ADAMTS9: variants seen among roughly 807,000 people sequenced by gnomAD.
ADAMTS9 encodes A disintegrin and metalloproteinase with thrombospondin motifs 9.
ADAMTS9 carries 107 observed loss-of-function variants against 257.1 expected under a neutral mutation model. The observed-to-expected ratio is 0.42, with a 90% CI of 0.36 to 0.49. The LOEUF (loss-of-function observed/expected upper bound fraction) is 0.49, where lower values mean the gene tolerates loss of function less well. ADAMTS9 is among the 20% of genes least tolerant of loss of function. The pLI, the probability that ADAMTS9 is intolerant of heterozygous loss-of-function variation, is 0.03. For synonymous variants in ADAMTS9, 982 were observed against 880.9 expected (o/e 1.11, Z -2.03); for missense variants, 2,353 against 2,469.1 (o/e 0.95, Z 1.00).
chr3:64,613,612 A>C (rs1162358671), intron 21 of ADAMTS9, 103 bp from the exon 22 acceptor site: 9 of 1,125,584 alleles, frequency 8.0e-6, no homozygotes, highest in East Asian at 2.7e-5. Flanking sequence ...CTTTTCCCAC[A>C]GCAATCACTC....
At chr3:64,615,614 G>T in intron 20 of ADAMTS9, 129 bp from the exon 21 acceptor site, 1 of 988,144 alleles carries the variant, frequency 1.0e-6, no homozygotes. Flanking sequence ...TAGTTATTTT[G>T]GTGGAGATCT....
Position 64,633,478 on chromosome 3 carries a change from A to T in ADAMTS9, c.2169T>A (p.Leu723=), listed in dbSNP as rs769449628. Residue 723 remains leucine (L), a synonymous_variant, in exon 14 of 40, where the codon CTT becomes CTA. Coordinates refer to ENST00000498707, the MANE Select transcript of ADAMTS9 (RefSeq NM_182920.2). The stretch of plus-strand genomic sequence containing the variant: ...AACACCATCAAGGACTTACCCGGCA[A>T]AGGCCCTGGACACAGATATCATTTG... ...QDTNDICVQG[L]CRQAGCDHVL... 1 of 1,614,008 alleles carries T rather than the reference A, an allele frequency of 6.2e-7. No homozygotes were observed. The highest frequency in any genetic ancestry group is 1.1e-5 in the South Asian group (1 of 91,086).
chr3:64,668,625 T>C (rs1218700687), intron 3 of ADAMTS9, among the ~76,000 whole-genome samples: 1 of 152,134 alleles, frequency 6.6e-6, no homozygotes, highest in Non-Finnish European at 1.5e-5. Context: ...CTACATAAAG[T>C]GTCGGAACAG....
chr3:64,640,084 T>C (rs900811981), intron 12 of ADAMTS9, among the ~76,000 whole-genome samples: 1 of 152,190 alleles, frequency 6.6e-6, no homozygotes, highest in East Asian at 1.9e-4. Flanking sequence ...ATTCAAAATA[T>C]AGGCTATATA....
intron 3 of ADAMTS9, among the ~76,000 whole-genome samples, chr3:64,679,449 T>C (rs1411115775): frequency 6.6e-6 from 1 of 152,210 alleles, no homozygotes; most frequent in African/African-American, 2.4e-5. Flanking sequence ...GAGTTAGGAA[T>C]GGTAACTACC....
At chr3:64,627,728 A>G (rs543095054) in intron 16 of ADAMTS9, among the ~76,000 whole-genome samples, 10 of 152,288 alleles carry the variant, frequency 6.6e-5, no homozygotes, top group Admixed American at 3.3e-4. Flanking sequence ...TGCACCCATC[A>G]GAGCTGGGTT....
chr3:64,611,535 C>A (rs1431931400), intron 22 of ADAMTS9, among the ~76,000 whole-genome samples: 1 of 151,930 alleles, frequency 6.6e-6, no homozygotes, highest in African/African-American at 2.4e-5. Context: ...TTTGGGCACC[C>A]AGGACCAGTT....
At chr3:64,572,471 T>A (rs1053733304) in intron 28 of ADAMTS9, among the ~76,000 whole-genome samples, 1 of 152,172 alleles carries the variant, frequency 6.6e-6, no homozygotes, top group East Asian at 1.9e-4. Flanking sequence ...TCTCTGGTTT[T>A]AGGGATGCCC....
intron 30 of ADAMTS9, among the ~76,000 whole-genome samples, chr3:64,555,419 T>G (rs1559761260): frequency 6.6e-6 from 1 of 152,096 alleles, no homozygotes; most frequent in African/African-American, 2.4e-5. Context: ...TGAGCCAAGG[T>G]CTATGCTGGG....
intron 10 of ADAMTS9, among the ~76,000 whole-genome samples, 193 bp from the exon 11 acceptor site, chr3:64,648,237 G>A (rs1700844832): frequency 6.6e-6 from 1 of 152,130 alleles, no homozygotes; most frequent in Non-Finnish European, 1.5e-5. Flanking sequence ...CCTGGTAATG[G>A]ATACCCATGT....
At chr3:64,683,474 C>T (rs901871515) in intron 2 of ADAMTS9, among the ~76,000 whole-genome samples, 4 of 152,186 alleles carry the variant, frequency 2.6e-5, no homozygotes, top group African/African-American at 7.2e-5. Context: ...CTGCCACTTA[C>T]GAGCTGTGAG....
In ADAMTS9 at chr3:64,564,618, T is replaced by TGG. The variant is rs148495610; in HGVS notation, c.4525-2869_4525-2868dup. Among the ~76,000 whole-genome samples, 1,501 of 151,482 alleles carry TGG rather than the reference T, an allele frequency of 9.9e-3. 31 individuals carry two copies. The highest frequency in any genetic ancestry group is 0.033 in the African/African-American group (1,360 of 41,022). On this transcript the variant is annotated intron_variant, in intron 29 of 39. Transcript: ENST00000498707. ...CAATTAAATAATTCTTTTTTGTGTGTGGGGGGGGCGTTGTCGTGTGCATTG... is the reference window on the plus strand; with the variant it reads ...CAATTAAATAATTCTTTTTTGTGTGTGGGGGGGGGGCGTTGTCGTGTGCATTG...
chr3:64,548,470 C>T (rs1419928126), intron 31 of ADAMTS9, among the ~76,000 whole-genome samples: 1 of 152,112 alleles, frequency 6.6e-6, no homozygotes, highest in Non-Finnish European at 1.5e-5. Context: ...AGTGTCTGAC[C>T]CAGTGTTGCA....
intron 28 of ADAMTS9, chr3:64,584,201 T>C (rs1336609307): frequency 2.6e-5 from 4 of 152,154 alleles, no homozygotes; most frequent in African/African-American, 9.7e-5. Flanking sequence ...GGATGTGGAC[T>C]GGATAGCAGT....
intron 3 of ADAMTS9, among the ~76,000 whole-genome samples, chr3:64,673,240 G>C (rs1701534815): frequency 6.6e-6 from 1 of 152,098 alleles, no homozygotes; most frequent in African/African-American, 2.4e-5. Flanking sequence ...CAGCCATCAA[G>C]GCACTTCAGA....
At chr3:64,613,658 T>G (rs1216373614) in intron 21 of ADAMTS9, 149 bp from the exon 22 acceptor site, 3 of 742,950 alleles carry the variant, frequency 4.0e-6, no homozygotes, top group Non-Finnish European at 6.0e-6. Flanking sequence ...AAGCCTCATT[T>G]TTTTCCTTTT....
intron 38 of ADAMTS9, among the ~76,000 whole-genome samples, chr3:64,526,656 C>G (rs530647573): frequency 1.3e-5 from 2 of 152,314 alleles, no homozygotes; most frequent in African/African-American, 4.8e-5. Flanking sequence ...CTCAAACTCT[C>G]CTGACCCAGC....
chr3:64,616,164 A>T lies in ADAMTS9; in HGVS notation c.2820T>A (p.His940Gln). ...PCGTDCDLRW[H>Q]VASRSECSAQ... is the part of the protein sequence containing the mutation. ...CACTACATTCACTCCTGCTGGCAAC[A>T]TGCCACCTATGCAAAAATAATGGGG... Residue 940 changes from histidine to glutamine, a missense_variant, in exon 20 of 40, where the codon CAT becomes CAA. Around this residue, in one of 3 missense-constraint regions of ADAMTS9, gnomAD observed 1,402 missense variants for 1,441.4 expected, o/e 0.97. Coordinates refer to ENST00000498707, the MANE Select transcript of ADAMTS9 (RefSeq NM_182920.2). The T allele has an allele frequency of 6.2e-7, 1 of 1,614,056 alleles. No homozygotes were observed. Among genetic ancestry groups the T allele is most frequent in the Non-Finnish European group, 8.5e-7 (1 of 1,179,938 alleles).
chr3:64,639,747 A>G (rs1271028046), intron 12 of ADAMTS9, among the ~76,000 whole-genome samples: 1 of 152,196 alleles, frequency 6.6e-6, no homozygotes, highest in Non-Finnish European at 1.5e-5. Context: ...TCATCATATT[A>G]GTTGTTACGA....
Sources: gnomAD v4.1 joint callset for allele counts (sites outside exome capture counted in the v4.1 genomes callset) on GRCh38, gnomAD v4.1.1 for gene constraint, gnomAD v4.1.1 regional missense constraint, MANE v1.5 for transcripts, NCBI Gene and HGNC (gene_info 2026-07-23, HGNC 2026-07-21) for gene names.